FKBP15: variants seen among roughly 807,000 people sequenced by gnomAD.
The protein encoded by FKBP15 is FKBP prolyl isomerase family member 15, also known as FK506-binding protein 15.
FKBP15 carries 106 observed loss-of-function variants against 158.1 expected under a neutral mutation model. That is an observed-to-expected ratio of 0.67 (90% CI 0.57 to 0.79). The LOEUF is 0.79. Ranked by LOEUF, FKBP15 falls within the 30% of genes least tolerant of loss-of-function variation. The probability of loss-of-function intolerance (pLI) is 0.00; values close to 1 mark genes in which losing one functional copy is unlikely to be tolerated. For synonymous variants in FKBP15, 547 were observed against 548.6 expected (o/e 1.00, Z 0.04); for missense variants, 1,287 against 1,479.1 (o/e 0.87, Z 2.13).
chr9:113,167,903 C>T (rs1830123182), intron 27 of FKBP15, among the ~76,000 whole-genome samples: 1 of 152,026 alleles, frequency 6.6e-6, no homozygotes, highest in African/African-American at 2.4e-5. Context: ...CATTTTGTGC[C>T]CAGGGATATT....
At chr9:113,199,710 T>A in intron 7 of FKBP15, 104 bp downstream of exon 7, 1 of 1,229,588 alleles carries the variant, frequency 8.1e-7, no homozygotes, top group South Asian at 1.6e-5. Context: ...CCTAAAATAT[T>A]TCTATTTGAC....
At chr9:113,187,669 A>G in intron 14 of FKBP15, 124 bp downstream of exon 14, 2 of 764,462 alleles carry the variant, frequency 2.6e-6, no homozygotes, top group East Asian at 2.7e-5. Flanking sequence ...CAAGGAAGGG[A>G]AAAAAATTAC....
At chr9:113,188,242 A>AG (rs1830516548) in intron 13 of FKBP15, 147 bp downstream of exon 13, 1 of 682,434 alleles carries the variant, frequency 1.5e-6, no homozygotes, top group African/African-American at 1.8e-5. Context: ...TGCCTTACCC[A>AG]GGGACAAACT....
chr9:113,186,602 T>C (rs1360067688), intron 14 of FKBP15: 4 of 478,170 alleles, frequency 8.4e-6, no homozygotes, highest in South Asian at 3.0e-5. Flanking sequence ...AAGTGTATCT[T>C]AGGTCACTAC....
intron 13 of FKBP15, 149 bp from the exon 14 acceptor site, chr9:113,188,048 G>A (rs1355971279): frequency 7.5e-6 from 5 of 667,572 alleles, no homozygotes; most frequent in South Asian, 1.9e-5. Context: ...TCTCAGGAAT[G>A]AGCCAGTGGA....
rs575499499 is a variant in FKBP15 at position 113,208,143 on chromosome 9, C to A, written c.170-847G>T. ...TGGATCACGAGGAGTTCGAGACCAG[C>A]CTGGCCAATATGGTGAAACCTTATC... On this transcript the variant is annotated intron_variant, in intron 2 of 27. Coordinates refer to ENST00000238256, the MANE Select transcript of FKBP15 (RefSeq NM_015258.2). Among the ~76,000 whole-genome samples the A allele has an allele frequency of 2.2e-4, 34 of 152,106 alleles. No individual in the cohort carries two copies. In the East Asian group the frequency reaches 5.8e-3, roughly 26 times the overall value.
At chr9:113,208,383 T>G (rs1328439505) in intron 2 of FKBP15, among the ~76,000 whole-genome samples, 2 of 152,132 alleles carry the variant, frequency 1.3e-5, no homozygotes, top group African/African-American at 4.8e-5. Context: ...AGAGTAACAC[T>G]AACATTTTCA....
chr9:113,176,392 G>A (rs756698622), intron 21 of FKBP15, 145 bp downstream of exon 21: 380 of 857,952 alleles, frequency 4.4e-4, no homozygotes, highest in Non-Finnish European at 6.3e-4. Context: ...TATGAGATTA[G>A]AGCGGGGAAA....
At chr9:113,192,684 C>G (rs1433712458) in intron 11 of FKBP15, among the ~76,000 whole-genome samples, 1 of 152,138 alleles carries the variant, frequency 6.6e-6, no homozygotes, top group East Asian at 1.9e-4. Flanking sequence ...CTAATGTTTA[C>G]TGAGCGCTTA....
At chr9:113,206,603 G>A in intron 3 of FKBP15, 25 bp from the exon 4 acceptor site, 1 of 1,571,168 alleles carries the variant, frequency 6.4e-7, no homozygotes, top group South Asian at 1.1e-5. Context: ...GAAACAACAA[G>A]TATTAATACT....
At position 113,215,641 on chromosome 9, in the gene FKBP15, TA is replaced by T. The variant is rs1289710090; in HGVS notation, c.54-4050del. ...GTGTGTGTGTATATATATATATATA[TA>T]TATTTTTTTTTTTTTTTTTTTTTTT... On this transcript the variant is annotated intron_variant, in intron 1 of 27. Coordinates refer to ENST00000238256, the MANE Select transcript of FKBP15 (RefSeq NM_015258.2). Among the ~76,000 whole-genome samples, 193 of 104,422 alleles carry T rather than the reference TA, an allele frequency of 1.8e-3. 2 individuals are homozygous for T. In the East Asian group the frequency reaches 0.025, roughly 14 times the overall value. 68.5% of individuals were successfully genotyped at this position (104,422 alleles called of 152,430 possible). A position where few individuals can be genotyped will look rare whatever the true frequency, so the allele number is the denominator to read the frequency against.
chr9:113,170,066 C>T (rs1207040372), intron 25 of FKBP15, 124 bp from the exon 26 acceptor site: 2 of 1,265,474 alleles, frequency 1.6e-6, no homozygotes, highest in African/African-American at 3.0e-5. Flanking sequence ...AAGAGGCTGA[C>T]TATATCTGTC....
chr9:113,212,993 G>A (rs1034655617), intron 1 of FKBP15, among the ~76,000 whole-genome samples: 9 of 152,116 alleles, frequency 5.9e-5, no homozygotes, highest in Non-Finnish European at 1.2e-4. Context: ...TTCCTTTTGT[G>A]CTCCAAGACC....
chr9:113,213,026 G>A (rs183301112), intron 1 of FKBP15, among the ~76,000 whole-genome samples: 2 of 152,298 alleles, frequency 1.3e-5, no homozygotes, highest in African/African-American at 4.8e-5. Flanking sequence ...AAGGATTCTA[G>A]AGAAGGACTC....
rs1830177383 is a variant in FKBP15, at chr9:113,170,020, C to T, written c.2767-78G>A. The T allele has an allele frequency of 3.5e-6, 5 of 1,441,534 alleles. No homozygotes were observed. In the South Asian group the frequency reaches 7.4e-5, roughly 21 times the overall value. 89.3% of individuals were successfully genotyped at this position (1,441,534 alleles called of 1,614,324 possible). ...CCTAATTCTTATTAACACTACTGGT[C>T]ATGTAGTTTAAATGACTTTGCTTCT... On this transcript the variant is annotated intron_variant, in intron 25 of 27. Coordinates refer to ENST00000238256, the MANE Select transcript of FKBP15 (RefSeq NM_015258.2).
intron 11 of FKBP15, among the ~76,000 whole-genome samples, chr9:113,190,957 T>A (rs542268516): frequency 1.1e-4 from 17 of 152,334 alleles, no homozygotes; most frequent in African/African-American, 3.8e-4. Context: ...ATTCGGTAGA[T>A]AATTCAGAAG....
intron 6 of FKBP15, among the ~76,000 whole-genome samples, chr9:113,201,276 C>G (rs1055771111): frequency 1.3e-5 from 2 of 151,978 alleles, no homozygotes; most frequent in African/African-American, 4.8e-5. Flanking sequence ...GACCCAATCA[C>G]TCACTTACTG....
intron 12 of FKBP15, 62 bp from the exon 13 acceptor site, chr9:113,188,553 G>A: frequency 7.4e-7 from 1 of 1,354,108 alleles, no homozygotes; most frequent in Non-Finnish European, 1.0e-6. Flanking sequence ...GACTGAGGCT[G>A]ACTGTCTGCC....
intron 13 of FKBP15, among the ~76,000 whole-genome samples, chr9:113,188,119 T>G (rs1256345393): frequency 2.0e-5 from 3 of 152,122 alleles, no homozygotes; most frequent in Non-Finnish European, 1.5e-5. Flanking sequence ...CGACAGGAAG[T>G]GCAGAACACA....
Sources: gnomAD v4.1 joint callset for allele counts (sites outside exome capture counted in the v4.1 genomes callset) on GRCh38, gnomAD v4.1.1 for gene constraint, MANE v1.5 for transcripts, NCBI Gene and HGNC (gene_info 2026-07-23, HGNC 2026-07-21) for gene names.